Variants in EXOC6 observed in about 807,000 individuals in gnomAD.
EXOC6 encodes the protein SEC15-like 1.
In EXOC6, 60 loss-of-function variants were observed where a neutral mutation model predicts 112.5. The ratio of observed to expected loss-of-function variants is 0.53; its 90% CI spans 0.43 to 0.66. The LOEUF (loss-of-function observed/expected upper bound fraction) is 0.66, where lower values mean the gene tolerates loss of function less well. Among genes scored for constraint, EXOC6 ranks in the 30% least tolerant of loss-of-function variants. The pLI, the probability that EXOC6 is intolerant of heterozygous loss-of-function variation, is 0.00. For missense variants in EXOC6, 855 were observed against 957.1 expected (o/e 0.89, Z 1.41); for synonymous variants, 295 against 308.0 (o/e 0.96, Z 0.44).
chr10:93,014,754 T>G, intron 20 of EXOC6, among the ~76,000 whole-genome samples: 1 of 152,200 alleles, frequency 6.6e-6, no homozygotes. Context: ...AAATAAGTTT[T>G]AAAAATGTAA....
rs1846580795 is a variant in EXOC6, at chr10:93,057,119, C to CA, written c.2282+89dup. The CA allele has an allele frequency of 7.1e-5, 53 of 743,802 alleles. 1 individual carries two copies. The South Asian group carries it at 1.2e-3, about 16-fold the overall frequency. The allele number at this position is 743,802 out of a possible 1,614,324, so 46.1% of individuals were successfully genotyped here. On this transcript the variant is annotated intron_variant, in intron 21 of 21. Transcript: ENST00000260762. Reference sequence around the variant, plus strand: ...AAACTGAAGAACTAGAGATTTCTGTCAAAAAAGAAAAGTCTAGATGGAGCT... The same window carrying CA: ...AAACTGAAGAACTAGAGATTTCTGTCAAAAAAAGAAAAGTCTAGATGGAGCT...
intron 20 of EXOC6, among the ~76,000 whole-genome samples, chr10:93,026,278 A>C (rs537508701): frequency 2.0e-5 from 3 of 152,314 alleles, no homozygotes; most frequent in African/African-American, 7.2e-5. Flanking sequence ...TTGCTGAGTC[A>C]GGGAGTGTAT....
chr10:93,009,104 C>T (rs543258634), intron 19 of EXOC6, among the ~76,000 whole-genome samples: 57 of 152,134 alleles, frequency 3.7e-4, no homozygotes, highest in Non-Finnish European at 6.5e-4. Context: ...GTCCCAGCTA[C>T]TCAGGAGGCT....
chr10:92,870,245 C>T (rs998705156), intron 1 of EXOC6, among the ~76,000 whole-genome samples: 1 of 151,936 alleles, frequency 6.6e-6, no homozygotes, highest in Non-Finnish European at 1.5e-5. Flanking sequence ...TGAGCCACCG[C>T]GTGCCACCCA....
At chr10:92,983,799 G>A (rs999166420) in intron 18 of EXOC6, among the ~76,000 whole-genome samples, 2 of 152,002 alleles carry the variant, frequency 1.3e-5, no homozygotes, top group African/African-American at 4.8e-5. Context: ...GAGCCACTGC[G>A]CCAAGCCTAT....
At chr10:93,014,906 AT>A (rs140177623) in intron 20 of EXOC6, among the ~76,000 whole-genome samples, 1,574 of 146,864 alleles carry the variant, frequency 0.011, 29 homozygotes, top group African/African-American at 0.037. Context: ...CCACCTCTTT[AT>A]TTTTTTTTAT....
chr10:92,927,325 ATTAAT>A (rs1851777556), intron 8 of EXOC6, among the ~76,000 whole-genome samples: 1 of 152,092 alleles, frequency 6.6e-6, no homozygotes, highest in African/African-American at 2.4e-5. Context: ...AGGTATAGTA[ATTAAT>A]TTATTTTTTC....
At chr10:93,047,397 A>G (rs529895789) in intron 20 of EXOC6, among the ~76,000 whole-genome samples, 224 of 152,076 alleles carry the variant, frequency 1.5e-3, no homozygotes, top group Non-Finnish European at 2.3e-3. Flanking sequence ...TTAGCTGGGC[A>G]TGGGGGCGTG....
intron 1 of EXOC6, among the ~76,000 whole-genome samples, chr10:92,879,836 G>T (rs776253651): frequency 6.6e-6 from 1 of 152,150 alleles, no homozygotes; most frequent in Non-Finnish European, 1.5e-5. Flanking sequence ...ATGTATAAAA[G>T]TTTATCCTGT....
chr10:92,829,797 A>G (rs1564755444), upstream of EXOC6, among the ~76,000 whole-genome samples: 1 of 152,198 alleles, frequency 6.6e-6, no homozygotes, highest in Non-Finnish European at 1.5e-5. Flanking sequence ...TGTGGTGAAG[A>G]AGCCAGCCAA....
intron 1 of EXOC6, among the ~76,000 whole-genome samples, chr10:92,887,867 T>G (rs970377672): frequency 6.6e-6 from 1 of 152,248 alleles, no homozygotes; most frequent in African/African-American, 2.4e-5. Context: ...AGTACATTCT[T>G]TAAATGCAAT....
At chr10:92,858,162 C>A (rs544019095) in intron 1 of EXOC6, among the ~76,000 whole-genome samples, 3 of 151,754 alleles carry the variant, frequency 2.0e-5, no homozygotes, top group African/African-American at 7.3e-5. Context: ...CAGGATTTTC[C>A]GTTTGTCTCT....
chr10:92,907,520 T>C (rs1850512547), intron 5 of EXOC6, among the ~76,000 whole-genome samples: 1 of 152,214 alleles, frequency 6.6e-6, no homozygotes, highest in Non-Finnish European at 1.5e-5. Context: ...ATGAAGTAAG[T>C]TGACTGTGTC....
At chr10:93,040,542 C>T (rs908888831) in intron 20 of EXOC6, among the ~76,000 whole-genome samples, 2 of 152,246 alleles carry the variant, frequency 1.3e-5, no homozygotes, top group Non-Finnish European at 2.9e-5. Flanking sequence ...CCACTGCGCC[C>T]GGCCTGCTTT....
chr10:92,902,785 A>G (rs1248907910), intron 5 of EXOC6, among the ~76,000 whole-genome samples: 3 of 152,152 alleles, frequency 2.0e-5, no homozygotes, highest in Non-Finnish European at 4.4e-5. Flanking sequence ...CCTTCTCTAG[A>G]AATAACCACT....
chr10:93,052,006 C>T (rs1342698717), intron 20 of EXOC6, among the ~76,000 whole-genome samples: 1 of 152,190 alleles, frequency 6.6e-6, no homozygotes, highest in African/African-American at 2.4e-5. Context: ...TTCACGTTTA[C>T]AAAAGCAAAC....
intron 21 of EXOC6, among the ~76,000 whole-genome samples, chr10:93,057,718 T>G (rs1215979095): frequency 6.6e-6 from 1 of 152,144 alleles, no homozygotes; most frequent in African/African-American, 2.4e-5. Flanking sequence ...ATTAAAATTG[T>G]TATTATTTTC....
At chr10:93,003,861 A>G (rs555167370) in intron 19 of EXOC6, among the ~76,000 whole-genome samples, 1 of 152,224 alleles carries the variant, frequency 6.6e-6, no homozygotes, top group Non-Finnish European at 1.5e-5. Flanking sequence ...CACCAAAAGC[A>G]GGGAAGGGCA....
intron 20 of EXOC6, among the ~76,000 whole-genome samples, chr10:93,047,353 G>A (rs2486684): frequency 0.57 from 86,052 of 151,586 alleles, 27,326 homozygotes; most frequent in East Asian, 0.92. Flanking sequence ...CCTGGCCAAC[G>A]TGTGAAACGT....
Sources: allele counts gnomAD v4.1 joint callset (sites outside exome capture counted in the v4.1 genomes callset), GRCh38; gene constraint gnomAD v4.1.1; transcripts MANE v1.5; gene names NCBI Gene and HGNC (gene_info 2026-07-23, HGNC 2026-07-21).